The following TAS1R2 variants were observed in gnomAD, a reference collection of about 807,000 sequenced individuals.
TAS1R2 encodes taste receptor type 1 member 2.
A neutral mutation model predicts 49.3 loss-of-function variants in TAS1R2; 47 were observed. That is an observed-to-expected ratio of 0.95 (90% CI 0.75 to 1.22). The LOEUF is 1.22. Among genes scored for constraint, TAS1R2 ranks in the 50% most tolerant of loss-of-function variants. TAS1R2 has a pLI of 0.00. For missense variants in TAS1R2, 1,155 were observed against 1,122.1 expected (o/e 1.03, Z -0.42); for synonymous variants, 479 against 467.9 (o/e 1.02, Z -0.31).
exon 4 of TAS1R2, chr1:18,849,453 T>A (rs1422916181): frequency 6.2e-7 from 1 of 1,614,260 alleles, no homozygotes; most frequent in East Asian, 2.2e-5. Flanking sequence ...CCATTGCCAC[T>A]GGACAATCTC....
intron 5 of TAS1R2, among the ~76,000 whole-genome samples, chr1:18,841,067 C>T (rs1933815588): frequency 6.6e-6 from 1 of 152,198 alleles, no homozygotes; most frequent in African/African-American, 2.4e-5. Flanking sequence ...CTGTGCTCTG[C>T]TAGGCACATA....
In TAS1R2 at chr1:18,854,322, C is replaced by G. The variant is rs199971635; in HGVS notation, c.1148G>C (p.Arg383Pro). 1 of 1,613,892 alleles carries G rather than the reference C, an allele frequency of 6.2e-7. No individual in the cohort carries two copies. The highest frequency in any genetic ancestry group is 8.5e-7 in the Non-Finnish European group (1 of 1,179,946). Reference sequence around the variant, plus strand: ...CGCAGAGTACACGCTGTAGACGACACGCTCCCCAGAGAGCCTGAGAATGGT... The same window carrying G: ...CGCAGAGTACACGCTGTAGACGACAGGCTCCCCAGAGAGCCTGAGAATGGT... Residue 383 changes from arginine (R) to proline (P), a missense_variant, in exon 3 of 6, where the codon CGT (arginine) becomes CCT (proline). Transcript: ENST00000375371. This position sits in a 1 kb window ranked among gnomAD's most constrained non-coding sequence, Gnocchi z 4.9.
At chr1:18,840,117 C>T (rs755734470) in exon 6 of TAS1R2, 16 of 1,614,096 alleles carry the variant, frequency 9.9e-6, no homozygotes, top group South Asian at 4.4e-5. Flanking sequence ...TAGCTGTAGG[C>T]GCGTGGGAAG....
intron 2 of TAS1R2, 116 bp downstream of exon 2, chr1:18,857,215 C>T (rs1934151080): frequency 3.3e-6 from 4 of 1,208,000 alleles, no homozygotes; most frequent in Non-Finnish European, 4.6e-6. Context: ...CCTGACCCTG[C>T]TTCTGGTCCT....
At chr1:18,858,775 T>C (rs1248003953) in intron 1 of TAS1R2, among the ~76,000 whole-genome samples, 2 of 152,210 alleles carry the variant, frequency 1.3e-5, no homozygotes, top group African/African-American at 4.8e-5. Flanking sequence ...ACCTTCACCA[T>C]TCTCAAGCCA....
At position 18,854,455 on chromosome 1, in the gene TAS1R2, G is replaced by A. The variant is rs370068569; in HGVS notation, c.1015C>T (p.Arg339Cys). 1.6e-4 allele frequency: 255 copies of A among 1,614,056 alleles called. No individual in the cohort carries two copies. The highest frequency in any genetic ancestry group is 2.0e-4 in the Non-Finnish European group (231 of 1,180,028). Residue 339 changes from arginine to cysteine, a missense_variant, in exon 3 of 6, where the codon CGC becomes TGC. By Grantham distance (180) the Arg-to-Cys change is radical. Coordinates refer to ENST00000375371, the Ensembl canonical transcript of TAS1R2. This position sits in a 1 kb window ranked among gnomAD's most constrained non-coding sequence, Gnocchi z 4.9. ...GGCCCAGCCTGTGGGCCCCACTCGC[G>A]GAACTCACTGAAGCCCGGGATGGGC...
exon 6 of TAS1R2, chr1:18,840,429 C>A (rs561136871): frequency 1.7e-5 from 28 of 1,614,034 alleles, no homozygotes; most frequent in Non-Finnish European, 2.4e-5. Flanking sequence ...ATGGTGGGTG[C>A]CTCATGCCAT....
chr1:18,847,273 AC>A (rs1230784274), intron 4 of TAS1R2, among the ~76,000 whole-genome samples: 1 of 152,166 alleles, frequency 6.6e-6, no homozygotes, highest in Non-Finnish European at 1.5e-5. Context: ...AACAGATTCT[AC>A]CTCACAGCTC....
chr1:18,857,430 G>A (rs773388522), exon 2 of TAS1R2: 7 of 1,614,120 alleles, frequency 4.3e-6, no homozygotes, highest in Admixed American at 3.3e-5. Flanking sequence ...TGTAGTTACT[G>A]TAGTCCTCTT....
At chr1:18,841,849 G>A (rs766567719) in exon 5 of TAS1R2, 1 of 1,597,882 alleles carries the variant, frequency 6.3e-7, no homozygotes, top group Non-Finnish European at 8.6e-7. Flanking sequence ...ATGGACATAG[G>A]GATCTGGAGG....
At chr1:18,839,809 G>C in exon 6 of TAS1R2, 1 of 1,614,232 alleles carries the variant, frequency 6.2e-7, no homozygotes, top group Non-Finnish European at 8.5e-7. Context: ...CGGATGAGGT[G>C]AAATAGAAGG....
At chr1:18,847,480 C>T (rs1270514363) in intron 4 of TAS1R2, among the ~76,000 whole-genome samples, 1 of 152,212 alleles carries the variant, frequency 6.6e-6, no homozygotes, top group Admixed American at 6.5e-5. Flanking sequence ...AAACTCACAG[C>T]ATCAGGTACC....
chr1:18,852,993 C>T (rs576602072), intron 3 of TAS1R2, among the ~76,000 whole-genome samples: 2 of 152,338 alleles, frequency 1.3e-5, no homozygotes, highest in African/African-American at 4.8e-5. Context: ...CCTTTGGTCT[C>T]CGCTGCTGGG....
At chr1:18,857,182 C>G in intron 2 of TAS1R2, 149 bp downstream of exon 2, 1 of 908,294 alleles carries the variant, frequency 1.1e-6, no homozygotes, top group Non-Finnish European at 1.6e-6. Context: ...GCTGGGCTAC[C>G]TTCTCAAGAT....
chr1:18,855,094 C>T, intron 2 of TAS1R2, 108 bp from the exon 3 acceptor site: 1 of 1,391,598 alleles, frequency 7.2e-7, no homozygotes, highest in Middle Eastern at 2.2e-4. Flanking sequence ...GTGCAAGCCA[C>T]CCCAGGGGTA....
chr1:18,841,982 TAGA>T, intron 4 of TAS1R2, 130 bp from the exon 5 acceptor site: 1 of 521,036 alleles, frequency 1.9e-6, no homozygotes. Context: ...GTGGAAACTG[TAGA>T]AAAAAAAAAA....
In TAS1R2 at chr1:18,854,919, G is replaced by T; in HGVS notation, c.551C>A (p.Thr184Lys). The change falls in exon 3 of 6, where the codon ACA becomes AAA. Residue 184 changes from threonine (T) to lysine (K), a missense_variant. Thr to Lys is a moderately conservative substitution (Grantham distance 78, BLOSUM62 -1). Transcript: ENST00000375371. The surrounding 1 kb of genome is among the most constrained non-coding windows in gnomAD (Gnocchi z 4.9). Reference sequence around the variant, plus strand: ...CTCGATGTGGTGGTCGGCGCTGGGTGTGGTACGCAGCAAAGCCGGGAAGCG... The same window carrying T: ...CTCGATGTGGTGGTCGGCGCTGGGTTTGGTACGCAGCAAAGCCGGGAAGCG... 1 of 1,612,252 alleles carries T rather than the reference G, an allele frequency of 6.2e-7. No individual in the cohort carries two copies.
chr1:18,843,639 C>T (rs775060028), intron 4 of TAS1R2, among the ~76,000 whole-genome samples: 10 of 152,168 alleles, frequency 6.6e-5, no homozygotes, highest in Admixed American at 6.5e-5. Flanking sequence ...GCCACATGAT[C>T]GAGGAGATCT....
At chr1:18,840,439 T>C (rs1933801784) in exon 6 of TAS1R2, 1 of 1,614,048 alleles carries the variant, frequency 6.2e-7, no homozygotes, top group Non-Finnish European at 8.5e-7. Context: ...CCTCATGCCA[T>C]TCCAGGAAGA....
Sources: allele counts gnomAD v4.1 joint callset (sites outside exome capture counted in the v4.1 genomes callset), GRCh38; gene constraint gnomAD v4.1.1; non-coding constraint Gnocchi (gnomAD v3.1); transcripts MANE v1.5; gene names NCBI Gene and HGNC (gene_info 2026-07-23, HGNC 2026-07-21).